Variants in BRD7 observed in about 807,000 individuals in gnomAD.
The protein encoded by BRD7 is bromodomain-containing protein 7.
BRD7 carries 15 observed loss-of-function variants against 82.1 expected under a neutral mutation model. The ratio of observed to expected loss-of-function variants is 0.18; its 90% confidence interval spans 0.12 to 0.28. BRD7 has a LOEUF of 0.28. Ranked by LOEUF, BRD7 falls within the 10% of genes least tolerant of loss-of-function variation. The probability of loss-of-function intolerance (pLI) is 1.00; values close to 1 mark genes in which losing one functional copy is unlikely to be tolerated. For missense variants in BRD7, 638 were observed against 779.9 expected (o/e 0.82, Z 2.17); for synonymous variants, 232 against 266.9 (o/e 0.87, Z 1.27).
intron 7 of BRD7, 24 bp from the exon 8 acceptor site, chr16:50,333,721 G>C: frequency 8.7e-7 from 1 of 1,149,776 alleles, no homozygotes; most frequent in Non-Finnish European, 1.2e-6. Context: ...TTAATACTAA[G>C]TAAAAAAAAA....
intron 1 of BRD7, 145 bp downstream of exon 1, chr16:50,368,581 G>A: frequency 2.3e-6 from 2 of 865,228 alleles, no homozygotes; most frequent in Non-Finnish European, 1.6e-6. Context: ...GGGCAGCGCG[G>A]CCTCCGGCAG....
In BRD7 at chr16:50,368,743, T is replaced by C; in HGVS notation, c.32A>G (p.Asp11Gly). 3 of 1,555,252 alleles carry C rather than the reference T, an allele frequency of 1.9e-6. No individual in the cohort carries two copies. Among genetic ancestry groups the C allele is most frequent in the African/African-American group, 1.4e-5 (1 of 70,048 alleles). The part of the protein sequence containing the change: MGKKHKKHKS[D>G]KHLYEEYVEK... ...CTCCTCACCCTCGTAGAGGTGTTTG[T>C]CCGACTTGTGCTTCTTGTGCTTCTT... is the stretch of plus-strand genomic sequence containing the variant. Residue 11 changes from aspartate to glycine, a missense_variant, in exon 1 of 17, where the codon GAC (aspartate) becomes GGC (glycine). By Grantham distance (94) the Asp-to-Gly change is moderately conservative (BLOSUM62 -1). Transcript: ENST00000394688.
chr16:50,337,912 GGA>G (rs2037883138), intron 6 of BRD7, among the ~76,000 whole-genome samples: 1 of 151,770 alleles, frequency 6.6e-6, no homozygotes, highest in Non-Finnish European at 1.5e-5. Flanking sequence ...AAAGAAAGAG[GGA>G]GAGAGGGAAG....
At chr16:50,331,473 G>A (rs915554689) in intron 8 of BRD7, among the ~76,000 whole-genome samples, 5 of 152,214 alleles carry the variant, frequency 3.3e-5, no homozygotes, top group Admixed American at 2.0e-4. Flanking sequence ...AGGCTGAGTT[G>A]GGTGGATTGC....
intron 2 of BRD7, among the ~76,000 whole-genome samples, chr16:50,366,155 T>C (rs1046612414): frequency 6.6e-6 from 1 of 152,180 alleles, no homozygotes. Flanking sequence ...ACCATCAACC[T>C]GTATGAGGGC....
At position 50,322,112 on chromosome 16, in the gene BRD7, A is replaced by C. The variant is rs554393038; in HGVS notation, c.1444-74T>G. 8 of 1,258,146 alleles carry C rather than the reference A, an allele frequency of 6.4e-6. No individual in the cohort carries two copies. The South Asian group carries it at 1.1e-4, about 17-fold the overall frequency. 77.9% of individuals were successfully genotyped at this position (1,258,146 alleles called of 1,614,324 possible). On this transcript the variant is annotated intron_variant, in intron 12 of 16. Coordinates refer to ENST00000394688, the MANE Select transcript of BRD7 (RefSeq NM_013263.5). ...ATATCAAGGAAAAGAGAAAACTGTC[A>C]GGAGTTTCTTGGCAAGAGAAAATGA...
At chr16:50,319,772 A>C in intron 16 of BRD7, 115 bp downstream of exon 16, 2 of 1,374,126 alleles carry the variant, frequency 1.5e-6, no homozygotes, top group Non-Finnish European at 2.0e-6. Context: ...AGATTTTGCT[A>C]TCTTTGTGGG....
In BRD7 at chr16:50,350,856, G is replaced by A. The variant is rs145210537; in HGVS notation, c.447-689C>T. ...AAAAATTCCAATGCGGGGAAGAAGCGGGAGGAAGACTCAGCCTAGACCCAC... is the reference window on the plus strand; with the variant it reads ...AAAAATTCCAATGCGGGGAAGAAGCAGGAGGAAGACTCAGCCTAGACCCAC... On this transcript the variant is annotated intron_variant, in intron 4 of 16. Transcript: ENST00000394688. 6.8e-3 allele frequency among the ~76,000 whole-genome samples: 1,028 copies of A among 152,280 alleles called. 7 individuals are homozygous for A. The highest frequency in any genetic ancestry group is 0.011 in the Admixed American group (170 of 15,284).
chr16:50,338,346 G>A (rs1251491956), intron 6 of BRD7, among the ~76,000 whole-genome samples: 1 of 152,124 alleles, frequency 6.6e-6, no homozygotes, highest in African/African-American at 2.4e-5. Flanking sequence ...TATTAGGAGC[G>A]CAAGAATAAT....
intron 9 of BRD7, among the ~76,000 whole-genome samples, chr16:50,328,227 G>T (rs1394588985): frequency 2.0e-5 from 3 of 152,106 alleles, no homozygotes; most frequent in Non-Finnish European, 4.4e-5. Flanking sequence ...TGAAAGATAC[G>T]ATGTCACTAA....
chr16:50,342,697 A>T (rs1377998368), intron 5 of BRD7, among the ~76,000 whole-genome samples: 1 of 152,148 alleles, frequency 6.6e-6, no homozygotes, highest in African/African-American at 2.4e-5. Context: ...CTGGGATTAC[A>T]GGTGTAAGCC....
chr16:50,368,735 G>T lies in BRD7; in HGVS notation c.40C>A (p.Leu14Ile), dbSNP rs1207349418. The T allele has an allele frequency of 6.4e-7, 1 of 1,557,170 alleles. No homozygotes were observed. Among genetic ancestry groups the T allele is most frequent in the East Asian group, 2.6e-5 (1 of 37,822 alleles). The change falls in exon 1 of 17, where the codon CTC (leucine) becomes ATC (isoleucine). Residue 14 changes from leucine to isoleucine, a missense_variant. Leu to Ile is a conservative substitution (Grantham distance 5). This residue lies in a region of BRD7 where 172 missense variants were observed against 155.3 expected (regional missense o/e 1.11). Coordinates refer to ENST00000394688, the MANE Select transcript of BRD7 (RefSeq NM_013263.5). The part of the protein sequence containing the change: ...KHKKHKSDKH[L>I]YEEYVEKPLK... ...CCGGCCCCCTCCTCACCCTCGTAGA[G>T]GTGTTTGTCCGACTTGTGCTTCTTG...
Position 50,328,673 on chromosome 16 carries a change from T to C in BRD7, c.1083A>G (p.Val361=), listed in dbSNP as rs1002358438. Residue 361 remains valine, a synonymous_variant, in exon 9 of 17, where the codon GTA becomes GTG. Transcript: ENST00000394688. ...LGLLHPVDPI[V]GEPGYCPVRL... ...ACAGTTTTACTCTGATCCTACCTCC[T>C]ACAATGGGATCCACAGGATGGAGAA... 2 of 1,613,396 alleles carry C rather than the reference T, an allele frequency of 1.2e-6. No homozygotes were observed. The highest frequency in any genetic ancestry group is 1.7e-6 in the Non-Finnish European group (2 of 1,179,774).
chr16:50,333,579 T>C lies in BRD7; in HGVS notation c.1006A>G (p.Ser336Gly). The C allele has an allele frequency of 1.2e-6, 2 of 1,611,776 alleles. No homozygotes were observed. The highest frequency in any genetic ancestry group is 1.7e-5 in the Admixed American group (1 of 59,908). Residue 336 changes from serine (S) to glycine (G), a missense_variant, in exon 8 of 17, where the codon AGT (serine) becomes GGT (glycine). Coordinates refer to ENST00000394688, the MANE Select transcript of BRD7 (RefSeq NM_013263.5). Reference protein sequence around the residue: ...GGKLTRRLVNSQCEFERRKPD... With the variant: ...GGKLTRRLVNGQCEFERRKPD... ...AAAAGGCAAAGCTCAATCACCTGACTGTTCACAAGCCGCCTGGTCAGCTTT... is the reference window on the plus strand; with the variant it reads ...AAAAGGCAAAGCTCAATCACCTGACCGTTCACAAGCCGCCTGGTCAGCTTT...
intron 5 of BRD7, among the ~76,000 whole-genome samples, chr16:50,345,835 C>T (rs1415855700): frequency 5.4e-5 from 8 of 149,324 alleles, no homozygotes; most frequent in Middle Eastern, 3.2e-3. Flanking sequence ...CTTTAACACC[C>T]CACTGTCAAC....
intron 2 of BRD7, among the ~76,000 whole-genome samples, chr16:50,355,475 C>T (rs1046688091): frequency 9.9e-5 from 15 of 152,256 alleles, no homozygotes; most frequent in Admixed American, 9.1e-4. Flanking sequence ...ATTTGTATAA[C>T]GTGATAATAA....
intron 6 of BRD7, among the ~76,000 whole-genome samples, chr16:50,337,245 T>C (rs1209830148): frequency 6.7e-6 from 1 of 149,276 alleles, no homozygotes; most frequent in Admixed American, 6.9e-5. Context: ...ACTCTTCATC[T>C]GTTCATTCTT....
chr16:50,321,227 C>T (rs1467848398), intron 13 of BRD7, among the ~76,000 whole-genome samples: 1 of 152,152 alleles, frequency 6.6e-6, no homozygotes, highest in African/African-American at 2.4e-5. Context: ...GGCCTCCAAA[C>T]TAGGCTGTCA....
In BRD7 at chr16:50,339,824, AT is replaced by A. The variant is rs199714295; in HGVS notation, c.702+151del. ...TCTTAATTTTCTTCTCTTTATTAAA[AT>A]TTTTTTCATTTAGTATTTTCTACTT... On this transcript the variant is annotated intron_variant, in intron 6 of 16. Transcript: ENST00000394688. 1,658 of 398,658 alleles carry A rather than the reference AT, an allele frequency of 4.2e-3. 26 individuals carry two copies. The highest frequency in any genetic ancestry group is 0.031 in the African/African-American group (1,501 of 48,078). The allele number at this position is 398,658 out of a possible 1,614,324, so 24.7% of individuals were successfully genotyped here. A position where few individuals can be genotyped will look rare whatever the true frequency, so the allele number is the denominator to read the frequency against.
Sources: allele counts gnomAD v4.1 joint callset (sites outside exome capture counted in the v4.1 genomes callset), GRCh38; gene constraint gnomAD v4.1.1; regional missense constraint gnomAD v4.1.1; transcripts MANE v1.5; gene names NCBI Gene and HGNC (gene_info 2026-07-23, HGNC 2026-07-21).